DNER: variants seen among roughly 807,000 people sequenced by gnomAD.
DNER encodes delta and Notch-like epidermal growth factor-related receptor.
In DNER, 33 loss-of-function variants were observed where a neutral mutation model predicts 78.2. The ratio of observed to expected loss-of-function variants is 0.42; its 90% confidence interval spans 0.32 to 0.56. The LOEUF (loss-of-function observed/expected upper bound fraction) is 0.56, where lower values mean the gene tolerates loss of function less well. DNER is among the 20% of genes least tolerant of loss of function. The pLI is 0.11. For synonymous variants in DNER, 417 were observed against 384.8 expected (o/e 1.08, Z -0.98); for missense variants, 918 against 975.3 (o/e 0.94, Z 0.78).
chr2:229,632,666 T>A (rs1412768149), intron 1 of DNER, among the ~76,000 whole-genome samples: 1 of 152,212 alleles, frequency 6.6e-6, no homozygotes, highest in Non-Finnish European at 1.5e-5. Flanking sequence ...TACAAAGCAG[T>A]ACTATTTAGA....
intron 11 of DNER, among the ~76,000 whole-genome samples, chr2:229,376,555 G>A (rs1054113295): frequency 2.6e-5 from 4 of 152,138 alleles, no homozygotes; most frequent in African/African-American, 9.7e-5. Context: ...TCTATCAATG[G>A]GGGTCTGATT....
At chr2:229,476,046 T>G (rs978144921) in intron 7 of DNER, among the ~76,000 whole-genome samples, 5 of 152,118 alleles carry the variant, frequency 3.3e-5, no homozygotes, top group Non-Finnish European at 7.3e-5. Flanking sequence ...TGAGCCTAAA[T>G]TGCAAAAGAA....
At chr2:229,688,067 G>A (rs772824120) in intron 1 of DNER, among the ~76,000 whole-genome samples, 3 of 152,154 alleles carry the variant, frequency 2.0e-5, no homozygotes, top group Admixed American at 6.5e-5. Context: ...CTCATCAAAC[G>A]GGATTAAGTA....
chr2:229,398,232 A>T (rs1343461040), intron 10 of DNER, among the ~76,000 whole-genome samples: 1 of 152,160 alleles, frequency 6.6e-6, no homozygotes, highest in Non-Finnish European at 1.5e-5. Context: ...GAAATACTAT[A>T]TTACAACTCC....
At chr2:229,578,214 G>A (rs1298547183) in intron 4 of DNER, among the ~76,000 whole-genome samples, 1 of 152,138 alleles carries the variant, frequency 6.6e-6, no homozygotes, top group Non-Finnish European at 1.5e-5. Context: ...GGCATGTCCT[G>A]GTCGGTCGCT....
chr2:229,676,864 A>T (rs1699308708), intron 1 of DNER, among the ~76,000 whole-genome samples: 1 of 152,170 alleles, frequency 6.6e-6, no homozygotes. Context: ...TTTGGATACC[A>T]TGCTCACAGT....
At chr2:229,607,520 T>G (rs1697961051) in intron 1 of DNER, among the ~76,000 whole-genome samples, 1 of 152,194 alleles carries the variant, frequency 6.6e-6, no homozygotes, top group Non-Finnish European at 1.5e-5. Context: ...TTTTCTGACT[T>G]ATCAAATTGA....
intron 1 of DNER, among the ~76,000 whole-genome samples, chr2:229,681,852 AC>A (rs1189856305): frequency 0.015 from 2,243 of 151,486 alleles, 55 homozygotes; most frequent in African/African-American, 0.052. Flanking sequence ...ACACACACAC[AC>A]ACACACACAC....
At position 229,538,048 on chromosome 2, in the gene DNER, T is replaced by C. The variant is rs532820124; in HGVS notation, c.993+8899A>G. Among the ~76,000 whole-genome samples, 4 of 152,330 alleles carry C rather than the reference T, an allele frequency of 2.6e-5. No individual in the cohort carries two copies. The South Asian group carries it at 6.2e-4, about 24-fold the overall frequency. On this transcript the variant is annotated intron_variant, in intron 5 of 12. Transcript: ENST00000341772. ...AAGCCAATGAAAATCTAGACAGGCTTATTCTTTACTCGTTAAAAAAAAGCA... is the reference window on the plus strand; with the variant it reads ...AAGCCAATGAAAATCTAGACAGGCTCATTCTTTACTCGTTAAAAAAAAGCA...
Position 229,588,465 on chromosome 2 carries a change from C to T in DNER, c.609G>A (p.Gly203=). ...QVEVIPDIAC[G]NASSNSSAGG... ...CCGCAGAGCTGTTAGAACTGGCATTCCCACAGGCAATATCTGGGATCACCT... is the reference window on the plus strand; with the variant it reads ...CCGCAGAGCTGTTAGAACTGGCATTTCCACAGGCAATATCTGGGATCACCT... The change falls in exon 3 of 13, where the codon GGG becomes GGA. Residue 203 remains glycine, a synonymous_variant. Coordinates refer to ENST00000341772, the MANE Select transcript of DNER (RefSeq NM_139072.4). 6.2e-7 allele frequency: 1 copy of T among 1,611,772 alleles called. No individual in the cohort carries two copies. The highest frequency in any genetic ancestry group is 8.5e-7 in the Non-Finnish European group (1 of 1,179,646).
At chr2:229,590,241 A>G (rs982473300) in intron 2 of DNER, among the ~76,000 whole-genome samples, 1 of 152,210 alleles carries the variant, frequency 6.6e-6, no homozygotes, top group Admixed American at 6.5e-5. Flanking sequence ...CTAGGAGTCT[A>G]CTGAAAAGAC....
intron 4 of DNER, among the ~76,000 whole-genome samples, chr2:229,570,583 C>T (rs6751176): frequency 0.84 from 126,334 of 150,884 alleles, 53,843 homozygotes; most frequent in Non-Finnish European, 0.92. Flanking sequence ...GCTGAGTTTG[C>T]GCCATTACAC....
At chr2:229,524,236 G>A (rs1008010830) in intron 5 of DNER, among the ~76,000 whole-genome samples, 1 of 152,202 alleles carries the variant, frequency 6.6e-6, no homozygotes, top group Admixed American at 6.5e-5. Flanking sequence ...CTTGCTTGCT[G>A]AGATCTTGTT....
chr2:229,476,991 G>A, intron 7 of DNER, 149 bp downstream of exon 7: 1 of 569,782 alleles, frequency 1.8e-6, no homozygotes, highest in Non-Finnish European at 3.0e-6. Context: ...GCTAAAAAGG[G>A]GGACTATCTT....
intron 8 of DNER, among the ~76,000 whole-genome samples, chr2:229,433,428 G>A (rs2106356201): frequency 6.6e-6 from 1 of 152,088 alleles, no homozygotes; most frequent in East Asian, 1.9e-4. Flanking sequence ...TTTACATAAG[G>A]GAAAAAAGTA....
intron 4 of DNER, among the ~76,000 whole-genome samples, chr2:229,549,580 T>G (rs1696689919): frequency 6.6e-6 from 1 of 152,030 alleles, no homozygotes; most frequent in East Asian, 2.0e-4. Context: ...ACTACAAGCA[T>G]GAGCCACCAC....
intron 1 of DNER, among the ~76,000 whole-genome samples, chr2:229,604,496 T>A (rs536698420): frequency 6.6e-6 from 1 of 152,308 alleles, no homozygotes; most frequent in East Asian, 1.9e-4. Context: ...GAGAAATCTA[T>A]GAGTGCCTGT....
intron 1 of DNER, among the ~76,000 whole-genome samples, chr2:229,642,347 C>G (rs1471036651): frequency 6.6e-6 from 1 of 152,134 alleles, no homozygotes; most frequent in African/African-American, 2.4e-5. Context: ...AATGAGAAAG[C>G]CACTTTGACA....
chr2:229,377,043 T>C (rs1352454909), intron 11 of DNER, among the ~76,000 whole-genome samples: 1 of 152,158 alleles, frequency 6.6e-6, no homozygotes, highest in Non-Finnish European at 1.5e-5. Context: ...TTTCCCTGGT[T>C]GTCTAGAGGT....
Sources: gnomAD v4.1 joint callset for allele counts (sites outside exome capture counted in the v4.1 genomes callset) on GRCh38, gnomAD v4.1.1 for gene constraint, MANE v1.5 for transcripts, NCBI Gene and HGNC (gene_info 2026-07-23, HGNC 2026-07-21) for gene names.